The following RERE variants were observed in gnomAD, a reference collection of about 807,000 sequenced individuals.
RERE encodes arginine-glutamic acid dipeptide repeats protein.
Under a neutral mutation model 146.1 loss-of-function variants are expected in RERE, and 40 were observed. That is an observed-to-expected ratio of 0.27 (90% CI 0.21 to 0.36). The LOEUF is 0.36. Ranked by LOEUF, RERE falls within the 10% of genes least tolerant of loss-of-function variation. The probability of loss-of-function intolerance (pLI) is 1.00; values close to 1 mark genes in which losing one functional copy is unlikely to be tolerated. For synonymous variants in RERE, 1,003 were observed against 866.0 expected (o/e 1.16, Z -2.78); for missense variants, 1,933 against 2,138.7 (o/e 0.90, Z 1.90).
chr1:8,559,293 A>AAAAAAAAAAAAAAAG (rs1646047062), intron 4 of RERE, among the ~76,000 whole-genome samples: 1 of 144,466 alleles, frequency 6.9e-6, no homozygotes, highest in Non-Finnish European at 1.5e-5. Flanking sequence ...AAAAAAAAAA[A>AAAAAAAAAAAAAAAG]AAAAAAAAAA....
At chr1:8,548,818 A>G (rs1475948480) in intron 6 of RERE, among the ~76,000 whole-genome samples, 1 of 152,060 alleles carries the variant, frequency 6.6e-6, no homozygotes, top group African/African-American at 2.4e-5. Context: ...CCCCATCTCT[A>G]CTAAAAATAC....
chr1:8,737,052 T>C (rs993251299), intron 1 of RERE, among the ~76,000 whole-genome samples: 1 of 152,174 alleles, frequency 6.6e-6, no homozygotes, highest in Non-Finnish European at 1.5e-5. Flanking sequence ...AAGCAGACCT[T>C]TCAGGAGAAT....
intron 1 of RERE, among the ~76,000 whole-genome samples, chr1:8,769,650 T>C (rs1355762942): frequency 6.6e-6 from 1 of 152,060 alleles, no homozygotes; most frequent in Non-Finnish European, 1.5e-5. Context: ...CAGCTAACTT[T>C]ATTATTTTAT....
chr1:8,814,899 GTAACA>G (rs1641881357), intron 1 of RERE, among the ~76,000 whole-genome samples: 1 of 152,174 alleles, frequency 6.6e-6, no homozygotes, highest in Admixed American at 6.5e-5. Flanking sequence ...AGCACAACCA[GTAACA>G]TAATAATGCC....
intron 12 of RERE, among the ~76,000 whole-genome samples, chr1:8,372,708 G>C (rs551404900): frequency 6.6e-6 from 1 of 152,240 alleles, no homozygotes; most frequent in Non-Finnish European, 1.5e-5. Flanking sequence ...GCTATGTTAA[G>C]GAAGGCCCTG....
At chr1:8,721,242 C>A (rs567406150) in intron 1 of RERE, among the ~76,000 whole-genome samples, 2 of 152,204 alleles carry the variant, frequency 1.3e-5, no homozygotes, top group South Asian at 4.2e-4. Flanking sequence ...TCCCTGCAGG[C>A]CTGAACACAA....
At chr1:8,605,845 C>CTTTTTTT (rs60346942) in intron 4 of RERE, among the ~76,000 whole-genome samples, 3,533 of 93,160 alleles carry the variant, frequency 0.038, 791 homozygotes, top group African/African-American at 0.13. Flanking sequence ...AAATACCAAA[C>CTTTTTTT]TTTTTTTTTT....
intron 1 of RERE, among the ~76,000 whole-genome samples, chr1:8,760,328 CT>C: frequency 6.6e-6 from 1 of 152,250 alleles, no homozygotes; most frequent in South Asian, 2.1e-4. Context: ...CGCCCAGCCC[CT>C]AGGCCTGTAA....
chr1:8,661,528 G>C (rs964261336), intron 1 of RERE, among the ~76,000 whole-genome samples: 5 of 152,172 alleles, frequency 3.3e-5, no homozygotes, highest in African/African-American at 1.2e-4. Context: ...GCGCAGTGGG[G>C]CACGATCACC....
At chr1:8,805,367 A>G (rs1039190937) in intron 1 of RERE, among the ~76,000 whole-genome samples, 8 of 151,932 alleles carry the variant, frequency 5.3e-5, no homozygotes, top group African/African-American at 1.5e-4. Flanking sequence ...ACAAAAATTA[A>G]GCCAGGTGCA....
At chr1:8,368,398 C>T (rs1161354659) in intron 12 of RERE, among the ~76,000 whole-genome samples, 7 of 151,086 alleles carry the variant, frequency 4.6e-5, no homozygotes, top group East Asian at 3.9e-4. Flanking sequence ...GGCGTGAACC[C>T]GGGAAGCGGA....
intron 1 of RERE, among the ~76,000 whole-genome samples, chr1:8,696,037 T>C (rs1639323573): frequency 6.6e-6 from 1 of 152,090 alleles, no homozygotes; most frequent in South Asian, 2.1e-4. Flanking sequence ...AAATATCGTC[T>C]CACGCCAGTC....
intron 8 of RERE, among the ~76,000 whole-genome samples, chr1:8,507,888 T>C (rs999551539): frequency 2.7e-5 from 4 of 150,638 alleles, no homozygotes; most frequent in African/African-American, 9.8e-5. Context: ...TATAGGCGCC[T>C]GCCACCACGC....
chr1:8,542,075 G>T (rs1397533876), intron 6 of RERE, among the ~76,000 whole-genome samples: 5 of 152,116 alleles, frequency 3.3e-5, no homozygotes, highest in Non-Finnish European at 7.3e-5. Context: ...CATGCACCAA[G>T]TATCAACGTA....
intron 1 of RERE, among the ~76,000 whole-genome samples, chr1:8,721,394 C>A (rs1639861196): frequency 6.6e-6 from 1 of 152,124 alleles, no homozygotes; most frequent in Non-Finnish European, 1.5e-5. Flanking sequence ...TCACTGTAAC[C>A]TCCGTCTCCT....
At chr1:8,779,331 G>A (rs189724418) in intron 1 of RERE, among the ~76,000 whole-genome samples, 6 of 150,922 alleles carry the variant, frequency 4.0e-5, no homozygotes, top group Admixed American at 4.0e-4. Context: ...TTCGAGACCA[G>A]CCTGGCCAAC....
Position 8,614,701 on chromosome 1 carries a change from A to G in RERE, c.397-15T>C, listed in dbSNP as rs763525055. 6.2e-7 allele frequency: 1 copy of G among 1,603,438 alleles called. No homozygotes were observed. The highest frequency in any genetic ancestry group is 1.3e-5 in the African/African-American group (1 of 74,396). On this transcript the variant is annotated splice_polypyrimidine_tract_variant and intron_variant, in intron 3 of 22. Coordinates refer to ENST00000400908, the MANE Select transcript of RERE (RefSeq NM_001042681.2). Reference sequence around the variant, plus strand: ...GAGTTGTGGACCTAAAAAAGAAAACAGTTTTAAGTTAACGTGCCCAACGCC... The same window carrying G: ...GAGTTGTGGACCTAAAAAAGAAAACGGTTTTAAGTTAACGTGCCCAACGCC...
Position 8,356,146 on chromosome 1 carries a change from A to G in RERE, c.4440T>C (p.Leu1480=). 6.6e-7 allele frequency: 1 copy of G among 1,513,226 alleles called. No individual in the cohort carries two copies. The highest frequency in any genetic ancestry group is 2.7e-5 in the East Asian group (1 of 37,404). The allele number at this position is 1,513,226 out of a possible 1,614,324, so 93.7% of individuals were successfully genotyped here. A position where few individuals can be genotyped will look rare whatever the true frequency, so the allele number is the denominator to read the frequency against. ...TCTCGTGCTCGTGTGGGGGCTGTCC[A>G]AGCAGAGGGTTGGGGAGAGTGCCAG... ...YPPGTLPNPL[L]GQPPHEHEML... The change falls in exon 21 of 23, where the codon CTT becomes CTC. Residue 1480 remains leucine, a synonymous_variant. Coordinates refer to ENST00000400908, the MANE Select transcript of RERE (RefSeq NM_001042681.2). This position sits in a 1 kb window ranked among gnomAD's most constrained non-coding sequence, Gnocchi z 5.2.
intron 6 of RERE, among the ~76,000 whole-genome samples, chr1:8,549,636 A>G (rs559700199): frequency 6.6e-6 from 1 of 152,358 alleles, no homozygotes; most frequent in Non-Finnish European, 1.5e-5. Flanking sequence ...TGATTTGCAG[A>G]GTGTCAAAGT....
Sources: gnomAD v4.1 joint callset for allele counts (sites outside exome capture counted in the v4.1 genomes callset) on GRCh38, gnomAD v4.1.1 for gene constraint, Gnocchi (gnomAD v3.1) non-coding constraint, MANE v1.5 for transcripts, NCBI Gene and HGNC (gene_info 2026-07-23, HGNC 2026-07-21) for gene names.